The following RBM38 variants were observed in gnomAD, a reference collection of about 807,000 sequenced individuals.
RBM38 encodes RNA-binding protein 38.
A neutral mutation model predicts 23.5 loss-of-function variants in RBM38; 11 were observed. The observed-to-expected ratio is 0.47, with a 90% confidence interval of 0.29 to 0.77. The LOEUF is 0.77. RBM38 is among the 30% of genes least tolerant of loss of function. The probability of loss-of-function intolerance (pLI) is 0.08; values close to 1 mark genes in which losing one functional copy is unlikely to be tolerated. For missense variants in RBM38, 330 were observed against 351.9 expected (o/e 0.94, Z 0.50); for synonymous variants, 165 against 166.1 (o/e 0.99, Z 0.05).
In RBM38 at chr20:57,407,681, C is replaced by A; in HGVS notation, c.555C>A (p.Ala185=). ...ASPAYAQYPP[A]TYDQYPYAAS... is the part of the protein sequence containing the mutation. ...CGGCCTACGCCCAGTACCCACCGGC[C>A]ACCTATGACCAGTACCCATACGCCG... The change falls in exon 4 of 4, where the codon GCC becomes GCA. Residue 185 remains alanine (A), a synonymous_variant. Coordinates refer to ENST00000356208, the MANE Select transcript of RBM38 (RefSeq NM_017495.6). This position sits in a 1 kb window ranked among gnomAD's most constrained non-coding sequence, Gnocchi z 4.0. The A allele has an allele frequency of 6.2e-7, 1 of 1,612,656 alleles. No homozygotes were observed.
At position 57,392,696 on chromosome 20, in the gene RBM38, G is replaced by A; in HGVS notation, c.280G>A (p.Asp94Asn). The A allele has an allele frequency of 6.2e-7, 1 of 1,612,884 alleles. No individual in the cohort carries two copies. The highest frequency in any genetic ancestry group is 8.5e-7 in the Non-Finnish European group (1 of 1,179,852). Residue 94 changes from aspartate (D) to asparagine (N), a missense_variant, in exon 2 of 4, where the codon GAC (aspartate) becomes AAC (asparagine). Asp to Asn is a conservative substitution (Grantham distance 23, BLOSUM62 1). Transcript: ENST00000356208. ...GGCGGCAGCTGAGAGGGCTTGCAAA[G>A]ACCCGAACCCCATCATCGACGGCCG... ...DRAAAERACK[D>N]PNPIIDGRKA...
At chr20:57,400,467 A>G (rs981986710) in intron 3 of RBM38, among the ~76,000 whole-genome samples, 1 of 152,032 alleles carries the variant, frequency 6.6e-6, no homozygotes, top group South Asian at 2.1e-4. Flanking sequence ...TCCAGCCCTA[A>G]TGGTGGCCCG....
In RBM38 at chr20:57,408,479, C is replaced by T. The variant is rs1486271857; in HGVS notation, c.*633C>T. 6.5e-6 allele frequency: 1 copy of T among 152,824 alleles called. No homozygotes were observed. The highest frequency in any genetic ancestry group is 1.5e-5 in the Non-Finnish European group (1 of 68,456). 9.5% of individuals were successfully genotyped at this position (152,824 alleles called of 1,614,324 possible). A position where few individuals can be genotyped will look rare whatever the true frequency, so the allele number is the denominator to read the frequency against. Reference sequence around the variant, plus strand: ...GCCAAAGGCCCCTTTCCAGTCATAGCACTGAAGTTGCAACTTTTTTCTTGT... The same window carrying T: ...GCCAAAGGCCCCTTTCCAGTCATAGTACTGAAGTTGCAACTTTTTTCTTGT... On this transcript the variant is annotated 3_prime_UTR_variant, in exon 4 of 4. Coordinates refer to ENST00000356208, the MANE Select transcript of RBM38 (RefSeq NM_017495.6).
chr20:57,406,193 C>T (rs1030277198), intron 3 of RBM38, among the ~76,000 whole-genome samples: 6 of 152,208 alleles, frequency 3.9e-5, no homozygotes, highest in Non-Finnish European at 8.8e-5. Context: ...CTGTTGCAGA[C>T]GGGAAACTGA....
chr20:57,397,991 CACATG>C (rs2067291731), intron 3 of RBM38, among the ~76,000 whole-genome samples: 1 of 152,158 alleles, frequency 6.6e-6, no homozygotes, highest in Non-Finnish European at 1.5e-5. Flanking sequence ...TGTGTAACTA[CACATG>C]ACATGTAAGA....
Position 57,394,912 on chromosome 20 carries a change from G to C in RBM38, c.416+1579G>C, listed in dbSNP as rs146969417. ...ATAAGGCCTTCCCACGTGCGTCTGG[G>C]CTCGCTCTGATCCACACAGCTACCT... On this transcript the variant is annotated intron_variant, in intron 3 of 3. Coordinates refer to ENST00000356208, the MANE Select transcript of RBM38 (RefSeq NM_017495.6). Among the ~76,000 whole-genome samples, 283 of 152,272 alleles carry C rather than the reference G, an allele frequency of 1.9e-3. 1 individual carries two copies. The highest frequency in any genetic ancestry group is 6.6e-3 in the African/African-American group (275 of 41,554).
chr20:57,404,355 C>T (rs1257449058), intron 3 of RBM38, among the ~76,000 whole-genome samples: 2 of 152,240 alleles, frequency 1.3e-5, no homozygotes, highest in Non-Finnish European at 1.5e-5. Context: ...CAAAACCTTG[C>T]GGGGAGATGT....
At chr20:57,403,690 C>T (rs559784903) in intron 3 of RBM38, among the ~76,000 whole-genome samples, 1 of 152,194 alleles carries the variant, frequency 6.6e-6, no homozygotes, top group African/African-American at 2.4e-5. Flanking sequence ...GGCATGATCT[C>T]AGCTCACCAC....
chr20:57,393,752 C>A (rs1019407121), intron 3 of RBM38, among the ~76,000 whole-genome samples: 3 of 152,188 alleles, frequency 2.0e-5, no homozygotes, highest in Non-Finnish European at 4.4e-5. Flanking sequence ...CTCACCTGTT[C>A]TAGTGCTGGG....
intron 3 of RBM38, among the ~76,000 whole-genome samples, chr20:57,398,874 G>A (rs1044146467): frequency 1.3e-5 from 2 of 152,214 alleles, no homozygotes; most frequent in Non-Finnish European, 2.9e-5. Flanking sequence ...GTCCAGGGTG[G>A]ACAGGCTGAT....
intron 3 of RBM38, among the ~76,000 whole-genome samples, chr20:57,394,422 CGGG>C (rs914157402): frequency 6.6e-6 from 1 of 152,060 alleles, no homozygotes; most frequent in Admixed American, 6.5e-5. Flanking sequence ...TGGGGTGACT[CGGG>C]GGCTCCCTGC....
chr20:57,392,459 G>C (rs1018783490), intron 1 of RBM38, 195 bp from the exon 2 acceptor site: 21 of 1,532,872 alleles, frequency 1.4e-5, no homozygotes, highest in Non-Finnish European at 1.7e-5. Context: ...GGAGGAGCTG[G>C]AATCCAGGAG....
chr20:57,397,224 G>T (rs1568808003), intron 3 of RBM38, among the ~76,000 whole-genome samples: 2 of 152,254 alleles, frequency 1.3e-5, no homozygotes, highest in African/African-American at 4.8e-5. Flanking sequence ...TGTCAGTGAC[G>T]CATCTCTTGC....
chr20:57,407,511 C>G lies in RBM38; in HGVS notation c.417-32C>G, dbSNP rs758647433. The G allele has an allele frequency of 2.5e-6, 4 of 1,604,254 alleles. No homozygotes were observed. The African/African-American group carries it at 4.0e-5, about 16-fold the overall frequency. On this transcript the variant is annotated intron_variant, in intron 3 of 3. Coordinates refer to ENST00000356208, the MANE Select transcript of RBM38 (RefSeq NM_017495.6). The surrounding 1 kb of genome is among the most constrained non-coding windows in gnomAD (Gnocchi z 4.0). ...CCCAGCTGTATTCCCCAACTCCGTT[C>G]TGGCCCTAACCTGCTCTGCTTGGCC...
At chr20:57,399,601 G>A (rs769275135) in intron 3 of RBM38, among the ~76,000 whole-genome samples, 14 of 152,234 alleles carry the variant, frequency 9.2e-5, no homozygotes, top group Non-Finnish European at 2.1e-4. Context: ...TGGAGTTTGG[G>A]CCGGTTCAGG....
In RBM38 at chr20:57,408,490, C is replaced by T. The variant is rs1425566394; in HGVS notation, c.*644C>T. On this transcript the variant is annotated 3_prime_UTR_variant, in exon 4 of 4. Transcript: ENST00000356208. Reference sequence around the variant, plus strand: ...CTTTCCAGTCATAGCACTGAAGTTGCAACTTTTTTCTTGTAATTGTTTTGC... The same window carrying T: ...CTTTCCAGTCATAGCACTGAAGTTGTAACTTTTTTCTTGTAATTGTTTTGC... The T allele has an allele frequency of 6.6e-6, 1 of 152,542 alleles. No individual in the cohort carries two copies. The highest frequency in any genetic ancestry group is 1.5e-5 in the Non-Finnish European group (1 of 68,256). The allele number at this position is 152,542 out of a possible 1,614,324, so 9.4% of individuals were successfully genotyped here. A position where few individuals can be genotyped will look rare whatever the true frequency, so the allele number is the denominator to read the frequency against.
At chr20:57,395,653 G>T (rs2067266586) in intron 3 of RBM38, among the ~76,000 whole-genome samples, 1 of 152,194 alleles carries the variant, frequency 6.6e-6, no homozygotes, top group Non-Finnish European at 1.5e-5. Context: ...CCCTGCCTGG[G>T]CCTTACTGAG....
At chr20:57,405,917 A>G (rs1428703506) in intron 3 of RBM38, among the ~76,000 whole-genome samples, 1 of 152,206 alleles carries the variant, frequency 6.6e-6, no homozygotes, top group Admixed American at 6.5e-5. Context: ...AAAGCTGCCC[A>G]GTTTCTGTCC....
chr20:57,406,759 C>T (rs1042259399), intron 3 of RBM38, among the ~76,000 whole-genome samples: 9 of 152,040 alleles, frequency 5.9e-5, no homozygotes, highest in Admixed American at 1.3e-4. Context: ...TTTGGGAGGC[C>T]GAGGTGGGCG....
Sources: gnomAD v4.1 joint callset for allele counts (sites outside exome capture counted in the v4.1 genomes callset) on GRCh38, gnomAD v4.1.1 for gene constraint, Gnocchi (gnomAD v3.1) non-coding constraint, MANE v1.5 for transcripts, NCBI Gene and HGNC (gene_info 2026-07-23, HGNC 2026-07-21) for gene names.